Variants in ANKRD62 observed in about 807,000 individuals in gnomAD.
The protein encoded by ANKRD62 is ankyrin repeat domain 62.
In ANKRD62, 61 loss-of-function variants were observed where a neutral mutation model predicts 98.8. The ratio of observed to expected loss-of-function variants is 0.62; its 90% CI spans 0.50 to 0.76. The LOEUF is 0.76. Among genes scored for constraint, ANKRD62 ranks in the 30% least tolerant of loss-of-function variants. ANKRD62 has a pLI of 0.00. For missense variants in ANKRD62, 933 were observed against 1,082.9 expected, an observed-to-expected ratio of 0.86 and a Z score of 1.94; for synonymous variants, 341 against 367.9, an observed-to-expected ratio of 0.93 and a Z score of 0.84.
At chr18:12,175,481 C>G in the ANKRD62 span, among the ~76,000 whole-genome samples, 1 of 151,990 alleles carries the variant, frequency 6.6e-6, no homozygotes, top group African/African-American at 2.4e-5. Flanking sequence ...CAGACATGCT[C>G]CAGCCAAGCG....
Position 12,095,616 on chromosome 18 carries a change from A to G in ANKRD62, c.507+6A>G. On this transcript the variant is annotated splice_donor_region_variant and intron_variant, in intron 3 of 13. Transcript: ENST00000587848. ...ATATTGAAGCAAGAAGCCAGGTATG[A>G]TCAACCAATGTTCTTTTCAAAGTAT... 6.7e-7 allele frequency: 1 copy of G among 1,498,156 alleles called. No individual in the cohort carries two copies. 92.8% of individuals were successfully genotyped at this position (1,498,156 alleles called of 1,614,324 possible).
At chr18:12,121,985 AG>A (rs1909791615) in intron 10 of ANKRD62, among the ~76,000 whole-genome samples, 1 of 152,108 alleles carries the variant, frequency 6.6e-6, no homozygotes, top group African/African-American at 2.4e-5. Flanking sequence ...TCTCTTCCTC[AG>A]GGAAATCTTC....
chr18:12,151,847 C>A, the ANKRD62 span, among the ~76,000 whole-genome samples: 1 of 151,584 alleles, frequency 6.6e-6, no homozygotes, highest in Non-Finnish European at 1.5e-5. Context: ...GAGAGACAAT[C>A]CAAATAAACA....
the ANKRD62 span, among the ~76,000 whole-genome samples, chr18:12,156,510 G>A: frequency 4.6e-5 from 7 of 151,792 alleles, no homozygotes; most frequent in Admixed American, 2.0e-4. Context: ...TGATTTAGTG[G>A]GTAAAGAACA....
Position 12,103,178 on chromosome 18 carries a change from TC to T in ANKRD62, c.842del (p.Ser281Ter), listed in dbSNP as rs1205275995. 1 of 1,380,308 alleles carries T rather than the reference TC, an allele frequency of 7.2e-7. No individual in the cohort carries two copies. Among genetic ancestry groups the T allele is most frequent in the Non-Finnish European group, 9.5e-7 (1 of 1,057,868 alleles). 85.5% of individuals were successfully genotyped at this position (1,380,308 alleles called of 1,614,324 possible). A position where few individuals can be genotyped will look rare whatever the true frequency, so the allele number is the denominator to read the frequency against. ...SNSEQDLEMT[S>X]EGEQERLEGC... ...AGCAGAACAAGACTTAGAAATGACA[TC>T]AGAGGGAGAGCAAGAAAGGCTTGAA... On this transcript the variant is annotated frameshift_variant, in exon 7 of 14. Transcript: ENST00000587848. LOFTEE classifies it high-confidence loss of function.
rs1292338222 is a variant in ANKRD62, at chr18:12,129,563, C to G, written c.*1624C>G. On this transcript the variant is annotated 3_prime_UTR_variant, in exon 14 of 14. Coordinates refer to ENST00000587848, the MANE Select transcript of ANKRD62 (RefSeq NM_001277333.2). ...GAGATCAAGGCCATCCTGGCTAACA[C>G]GGTGAAACCCCGTCTCTACTAAAAA... 1.3e-5 allele frequency: 2 copies of G among 152,198 alleles called. No individual in the cohort carries two copies. The highest frequency in any genetic ancestry group is 4.8e-5 in the African/African-American group (2 of 41,392). 9.4% of individuals were successfully genotyped at this position (152,198 alleles called of 1,614,324 possible). A position where few individuals can be genotyped will look rare whatever the true frequency, so the allele number is the denominator to read the frequency against.
At chr18:12,136,262 G>A in the ANKRD62 span, among the ~76,000 whole-genome samples, 1 of 151,822 alleles carries the variant, frequency 6.6e-6, no homozygotes, top group African/African-American at 2.4e-5. Context: ...TTCTACATAT[G>A]GCTAGCCAGT....
the ANKRD62 span, among the ~76,000 whole-genome samples, chr18:12,159,202 T>C: frequency 6.6e-6 from 1 of 152,160 alleles, no homozygotes; most frequent in African/African-American, 2.4e-5. Flanking sequence ...AGAAAAGTGA[T>C]TTGAGTTGCT....
At chr18:12,154,729 C>T in the ANKRD62 span, among the ~76,000 whole-genome samples, 1 of 152,206 alleles carries the variant, frequency 6.6e-6, no homozygotes, top group Non-Finnish European at 1.5e-5. Flanking sequence ...AAATGCCCAG[C>T]AGTGACCGAT....
At chr18:12,140,776 T>G in the ANKRD62 span, among the ~76,000 whole-genome samples, 1 of 152,210 alleles carries the variant, frequency 6.6e-6, no homozygotes, top group Non-Finnish European at 1.5e-5. Flanking sequence ...TGCCTCCCAG[T>G]TAGGCTACTA....
the ANKRD62 span, among the ~76,000 whole-genome samples, chr18:12,135,336 T>A: frequency 1.3e-5 from 2 of 151,146 alleles, no homozygotes; most frequent in African/African-American, 4.9e-5. Flanking sequence ...AATGACGGTT[T>A]CCAGCTTCAT....
chr18:12,100,711 C>A (rs1909282228), intron 6 of ANKRD62, among the ~76,000 whole-genome samples: 3 of 151,986 alleles, frequency 2.0e-5, no homozygotes, highest in Admixed American at 6.6e-5. Context: ...ATTCTCATAC[C>A]AAGAATGTCT....
Position 12,107,402 on chromosome 18 carries a change from C to A in ANKRD62, c.999C>A (p.His333Gln). The A allele has an allele frequency of 6.6e-7, 1 of 1,524,370 alleles. No homozygotes were observed. The highest frequency in any genetic ancestry group is 8.8e-7 in the Non-Finnish European group (1 of 1,141,468). The allele number at this position is 1,524,370 out of a possible 1,614,324, so 94.4% of individuals were successfully genotyped here. ...NYNDDVDELI[H>Q]KIKNRKPDNH... ...ATGATGATGTTGATGAATTAATTCA[C>A]AAAATAAAGAACAGAAAACCTGATA... Residue 333 changes from histidine to glutamine, a missense_variant, in exon 8 of 14, where the codon CAC becomes CAA. By Grantham distance (24) the His-to-Gln change is conservative (BLOSUM62 0). Around this residue, in one of 3 missense-constraint regions of ANKRD62, gnomAD observed 549 missense variants for 587.9 expected, o/e 0.93. Coordinates refer to ENST00000587848, the MANE Select transcript of ANKRD62 (RefSeq NM_001277333.2).
chr18:12,178,510 GTGT>G, the ANKRD62 span, among the ~76,000 whole-genome samples: 6 of 148,650 alleles, frequency 4.0e-5, no homozygotes, highest in South Asian at 2.2e-4. Flanking sequence ...AGAATGGCCA[GTGT>G]TGTTGTTACC....
rs1555652197 is a variant in ANKRD62, at chr18:12,115,075, G to GA, written c.1065-13_1065-12insA. On this transcript the variant is annotated splice_polypyrimidine_tract_variant and intron_variant, in intron 8 of 13. Transcript: ENST00000587848. ...CTATTTGCCTGATTGGAATTTTTTG[G>GA]TTTTTTTTTTAGGCTTGCAAGGAAA... The GA allele has an allele frequency of 7.5e-6, 9 of 1,198,950 alleles. No homozygotes were observed. In the South Asian group the frequency reaches 1.9e-4, roughly 26 times the overall value. The allele number at this position is 1,198,950 out of a possible 1,614,324, so 74.3% of individuals were successfully genotyped here. A position where few individuals can be genotyped will look rare whatever the true frequency, so the allele number is the denominator to read the frequency against.
the ANKRD62 span, among the ~76,000 whole-genome samples, chr18:12,169,593 T>C: frequency 2.6e-5 from 4 of 152,218 alleles, no homozygotes; most frequent in Non-Finnish European, 5.9e-5. Flanking sequence ...TCTAAAATTC[T>C]CTTTTTTTGT....
At chr18:12,151,999 T>C in the ANKRD62 span, among the ~76,000 whole-genome samples, 3 of 148,584 alleles carry the variant, frequency 2.0e-5, no homozygotes, top group Non-Finnish European at 4.5e-5. Context: ...ACATACACCC[T>C]CCCAAGACTG....
chr18:12,133,770 A>G (rs1485470127), downstream of ANKRD62, among the ~76,000 whole-genome samples: 2 of 152,140 alleles, frequency 1.3e-5, no homozygotes, highest in Admixed American at 1.3e-4. Context: ...CTGAACAAGA[A>G]TGTATTTTTT....
chr18:12,133,890 T>C (rs1452331662), downstream of ANKRD62, among the ~76,000 whole-genome samples: 1 of 152,194 alleles, frequency 6.6e-6, no homozygotes, highest in African/African-American at 2.4e-5. Flanking sequence ...TATATTAGTA[T>C]CATATTTCTG....
Sources: allele counts gnomAD v4.1 joint callset (sites outside exome capture counted in the v4.1 genomes callset), GRCh38; gene constraint gnomAD v4.1.1; regional missense constraint gnomAD v4.1.1; transcripts MANE v1.5; gene names NCBI Gene and HGNC (gene_info 2026-07-23, HGNC 2026-07-21).